HTR2C: variants seen among roughly 807,000 people sequenced by gnomAD.
The protein encoded by HTR2C is 5-hydroxytryptamine (serotonin) receptor 2C, G protein-coupled.
Under a neutral mutation model 21.0 loss-of-function variants are expected in HTR2C, and 5 were observed. The observed-to-expected ratio is 0.24, with a 90% CI of 0.12 to 0.50. The LOEUF (loss-of-function observed/expected upper bound fraction) is 0.50, where lower values mean the gene tolerates loss of function less well. Among genes scored for constraint, HTR2C ranks in the 20% least tolerant of loss-of-function variants. HTR2C has a pLI of 0.98. For synonymous variants in HTR2C, 150 were observed against 145.3 expected (o/e 1.03, Z -0.23); for missense variants, 271 against 371.2 (o/e 0.73, Z 2.22).
chrX:114,668,269 G>A (rs1475023600), intron 2 of HTR2C, among the ~76,000 whole-genome samples: 1 of 111,513 alleles, frequency 9.0e-6, no homozygotes, highest in Non-Finnish European at 1.9e-5. Flanking sequence ...TGCCTGATCT[G>A]TTCTCCTTTT....
rs61034982 is a variant in HTR2C at position 114,801,445 on chromosome X, C to T, written c.350-46558C>T. 2.3e-4 allele frequency among the ~76,000 whole-genome samples: 25 copies of T among 110,945 alleles called. No homozygotes were observed. In the East Asian group the frequency reaches 7.2e-3, roughly 32 times the overall value. ...ACTCTGACTATTGGGGATGTATCTG[C>T]CTGCCTATTAACGTGGTGTACTTTA... On this transcript the variant is annotated intron_variant, in intron 4 of 5. Coordinates refer to ENST00000276198, the MANE Select transcript of HTR2C (RefSeq NM_000868.4).
At chrX:114,640,958 C>T (rs1930080912) in intron 2 of HTR2C, among the ~76,000 whole-genome samples, 1 of 90,267 alleles carries the variant, frequency 1.1e-5, no homozygotes, top group African/African-American at 3.9e-5. Flanking sequence ...TTCTTTCCCT[C>T]CCTCCCTTTT....
At chrX:114,797,919 C>T (rs1556445713) in intron 4 of HTR2C, among the ~76,000 whole-genome samples, 1 of 112,008 alleles carries the variant, frequency 8.9e-6, no homozygotes, top group East Asian at 2.8e-4. Flanking sequence ...TTATTACCTA[C>T]ACCAGATGTT....
chrX:114,738,869 A>G (rs2069616912), intron 4 of HTR2C, among the ~76,000 whole-genome samples: 1 of 110,955 alleles, frequency 9.0e-6, no homozygotes, highest in Non-Finnish European at 1.9e-5. Flanking sequence ...TAGTAACACT[A>G]TGTTGGCTCA....
At chrX:114,869,354 C>T (rs1188557586) in intron 5 of HTR2C, among the ~76,000 whole-genome samples, 1 of 111,686 alleles carries the variant, frequency 9.0e-6, no homozygotes. Context: ...TGGGTATATA[C>T]CCAGTAATGG....
intron 4 of HTR2C, among the ~76,000 whole-genome samples, chrX:114,817,219 A>G (rs1379277604): frequency 9.0e-6 from 1 of 111,657 alleles, no homozygotes; most frequent in Non-Finnish European, 1.9e-5. Context: ...AATGAATAGA[A>G]ATGTAATATT....
At chrX:114,765,260 T>G (rs1410278792) in intron 4 of HTR2C, among the ~76,000 whole-genome samples, 2 of 110,570 alleles carry the variant, frequency 1.8e-5, no homozygotes, top group South Asian at 3.8e-4. Flanking sequence ...CTTCATGAAC[T>G]TTTCCCTCAA....
At chrX:114,738,161 G>A (rs1176789598) in intron 4 of HTR2C, among the ~76,000 whole-genome samples, 1 of 111,459 alleles carries the variant, frequency 9.0e-6, no homozygotes, top group Admixed American at 9.6e-5. Context: ...TTGTCAAAGA[G>A]TACAGTTTCA....
intron 2 of HTR2C, among the ~76,000 whole-genome samples, chrX:114,694,309 A>T (rs1556415502): frequency 1.8e-5 from 2 of 109,601 alleles, no homozygotes; most frequent in Non-Finnish European, 3.8e-5. Context: ...TTTACATAGA[A>T]TTTCTTTTTT....
At chrX:114,790,486 A>T (rs1556443208) in intron 4 of HTR2C, among the ~76,000 whole-genome samples, 1 of 111,906 alleles carries the variant, frequency 8.9e-6, no homozygotes, top group East Asian at 2.8e-4. Flanking sequence ...CCAATTAACC[A>T]CTTAGGTTAG....
intron 4 of HTR2C, among the ~76,000 whole-genome samples, chrX:114,787,094 T>C (rs1191086119): frequency 9.0e-6 from 1 of 111,631 alleles, no homozygotes; most frequent in African/African-American, 3.3e-5. Flanking sequence ...TCACCCACTT[T>C]TGGGCAACAG....
intron 1 of HTR2C, among the ~76,000 whole-genome samples, chrX:114,603,891 G>A (rs1296906097): frequency 1.9e-5 from 2 of 103,372 alleles, no homozygotes; most frequent in Non-Finnish European, 3.9e-5. Flanking sequence ...TTGATAAGGC[G>A]CAGATCCTGA....
intron 5 of HTR2C, among the ~76,000 whole-genome samples, chrX:114,901,737 C>T (rs1372018761): frequency 9.0e-6 from 1 of 111,269 alleles, no homozygotes; most frequent in East Asian, 2.8e-4. Context: ...GAAGAAGTAC[C>T]TAAGGTTTGC....
At chrX:114,633,949 G>T (rs930851805) in intron 2 of HTR2C, among the ~76,000 whole-genome samples, 12,114 of 49,672 alleles carry the variant, frequency 0.24, 666 homozygotes, top group Middle Eastern at 0.42. Flanking sequence ...TATATATATA[G>T]AGAGAGAGAG....
rs1569495681 is a variant in HTR2C at position 114,805,976 on chromosome X, CA to C, written c.350-42026del. ...ACACCATATATATACCATATATATA[CA>C]CCATATATATACACCATATATATAC... is the stretch of plus-strand genomic sequence containing the variant. On this transcript the variant is annotated intron_variant, in intron 4 of 5. Coordinates refer to ENST00000276198, the MANE Select transcript of HTR2C (RefSeq NM_000868.4). Among the ~76,000 whole-genome samples the C allele has an allele frequency of 1.6e-3, 141 of 86,833 alleles. 9 individuals are homozygous for C. Among genetic ancestry groups the C allele is most frequent in the South Asian group, 8.9e-3 (16 of 1,793 alleles). 75.4% of individuals were successfully genotyped at this position (86,833 alleles called of 115,157 possible).
chrX:114,644,365 AT>A (rs1224441352), intron 2 of HTR2C, among the ~76,000 whole-genome samples: 17,320 of 38,545 alleles, frequency 0.45, 2,955 homozygotes, highest in South Asian at 0.63. Context: ...ATAAATAAAT[AT>A]ATATATATAT....
chrX:114,831,102 G>A (rs1226161958), intron 4 of HTR2C, among the ~76,000 whole-genome samples: 1 of 85,341 alleles, frequency 1.2e-5, no homozygotes, highest in Non-Finnish European at 2.3e-5. Flanking sequence ...TATCATTGTT[G>A]GACATTTGGG....
intron 4 of HTR2C, among the ~76,000 whole-genome samples, chrX:114,747,311 TG>T (rs1556426473): frequency 1.8e-5 from 2 of 112,737 alleles, no homozygotes; most frequent in African/African-American, 6.4e-5. Context: ...TGACTTCACC[TG>T]AAGTTCAAGA....
chrX:114,611,073 A>G (rs1373623923), intron 1 of HTR2C, among the ~76,000 whole-genome samples: 4 of 112,198 alleles, frequency 3.6e-5, no homozygotes, highest in African/African-American at 9.7e-5. Flanking sequence ...TTAATGACGG[A>G]GCAGTAATGT....
Sources: gnomAD v4.1 joint callset for allele counts (sites outside exome capture counted in the v4.1 genomes callset) on GRCh38, gnomAD v4.1.1 for gene constraint, MANE v1.5 for transcripts, NCBI Gene and HGNC (gene_info 2026-07-23, HGNC 2026-07-21) for gene names.